The following CDH18 variants were observed in gnomAD, a reference collection of about 807,000 sequenced individuals.
CDH18 encodes cadherin-18.
CDH18 carries 31 observed loss-of-function variants against 67.9 expected under a neutral mutation model. The observed-to-expected ratio is 0.46, with a 90% CI of 0.34 to 0.62. CDH18 has a LOEUF of 0.62. Among genes scored for constraint, CDH18 ranks in the 20% least tolerant of loss-of-function variants. CDH18 has a pLI of 0.01. For synonymous variants in CDH18, 362 were observed against 347.2 expected (o/e 1.04, Z -0.48); for missense variants, 890 against 975.5 (o/e 0.91, Z 1.17).
chr5:20,508,203 A>G (rs1410653388), intron 1 of CDH18, among the ~76,000 whole-genome samples: 1 of 151,314 alleles, frequency 6.6e-6, no homozygotes, highest in African/African-American at 2.4e-5. Flanking sequence ...AACTTTTCTT[A>G]AAACACAATG....
At position 19,629,626 on chromosome 5, in the gene CDH18, A is replaced by T. The variant is rs1752105914; in HGVS notation, c.644-17025T>A. On this transcript the variant is annotated intron_variant, in intron 5 of 12. Coordinates refer to ENST00000382275, the MANE Select transcript of CDH18 (RefSeq NM_004934.5). ...TCTATCTAATCTTAATGAATATAAA[A>T]CAATCAAAGACTGGATATTTCGACT... 6.6e-5 allele frequency among the ~76,000 whole-genome samples: 10 copies of T among 152,314 alleles called. No homozygotes were observed. The South Asian group carries it at 1.9e-3, about 28-fold the overall frequency.
intron 1 of CDH18, among the ~76,000 whole-genome samples, chr5:20,553,461 C>A (rs572867389): frequency 2.6e-4 from 39 of 152,070 alleles, no homozygotes; most frequent in Non-Finnish European, 4.0e-4. Context: ...ACAGAAACAA[C>A]GCTAACATTT....
At chr5:19,583,810 A>T (rs1743662794) in intron 7 of CDH18, among the ~76,000 whole-genome samples, 1 of 152,182 alleles carries the variant, frequency 6.6e-6, no homozygotes, top group South Asian at 2.1e-4. Context: ...AATGTCATAG[A>T]TCTCCTAAAT....
At chr5:19,604,348 T>C (rs1747672152) in intron 6 of CDH18, among the ~76,000 whole-genome samples, 1 of 152,060 alleles carries the variant, frequency 6.6e-6, no homozygotes. Context: ...TAGTATTTAC[T>C]TGAGAAAGTG....
intron 2 of CDH18, among the ~76,000 whole-genome samples, chr5:20,159,407 A>G (rs1751804593): frequency 6.6e-6 from 1 of 152,186 alleles, no homozygotes; most frequent in African/African-American, 2.4e-5. Context: ...ATCTCTTCCC[A>G]TTTAGGAGCC....
At chr5:20,295,030 T>G (rs556053146) in intron 1 of CDH18, among the ~76,000 whole-genome samples, 1 of 152,294 alleles carries the variant, frequency 6.6e-6, no homozygotes, top group Non-Finnish European at 1.5e-5. Flanking sequence ...CAGACAAGTA[T>G]AATTTAGAAA....
intron 1 of CDH18, among the ~76,000 whole-genome samples, chr5:19,984,710 C>G (rs2150370796): frequency 6.6e-6 from 1 of 152,250 alleles, no homozygotes; most frequent in South Asian, 2.1e-4. Context: ...CTATTATCAT[C>G]ACCTTTTATG....
intron 1 of CDH18, among the ~76,000 whole-genome samples, chr5:20,441,950 G>A (rs1397199379): frequency 4.6e-5 from 7 of 151,866 alleles, no homozygotes; most frequent in Admixed American, 6.6e-5. Context: ...CCTACATCGA[G>A]AGAAACAGAA....
chr5:20,032,108 C>T (rs1408666726), intron 2 of CDH18, among the ~76,000 whole-genome samples: 1 of 151,804 alleles, frequency 6.6e-6, no homozygotes, highest in Non-Finnish European at 1.5e-5. Context: ...TCTTCTTTAT[C>T]CTCAAAAAAT....
At chr5:20,029,311 T>C (rs1739182484) in intron 2 of CDH18, among the ~76,000 whole-genome samples, 1 of 152,162 alleles carries the variant, frequency 6.6e-6, no homozygotes, top group Admixed American at 6.6e-5. Flanking sequence ...ATGCTTATAG[T>C]AAAGCTTACC....
chr5:20,490,145 C>G (rs1309515730), intron 1 of CDH18, among the ~76,000 whole-genome samples: 1 of 151,354 alleles, frequency 6.6e-6, no homozygotes, highest in African/African-American at 2.4e-5. Flanking sequence ...AATGATAGAC[C>G]AATGGCATTT....
chr5:19,700,584 G>C (rs1266689094), intron 5 of CDH18, among the ~76,000 whole-genome samples: 1 of 152,146 alleles, frequency 6.6e-6, no homozygotes, highest in South Asian at 2.1e-4. Context: ...TGAGCAGAAA[G>C]CACTCTCTTT....
intron 2 of CDH18, among the ~76,000 whole-genome samples, chr5:20,182,932 T>G (rs1737809138): frequency 6.6e-6 from 1 of 152,202 alleles, no homozygotes; most frequent in South Asian, 2.1e-4. Flanking sequence ...TCGAATGGGA[T>G]GTATATATAA....
intron 2 of CDH18, among the ~76,000 whole-genome samples, chr5:20,236,690 T>C (rs1742498046): frequency 6.6e-6 from 1 of 152,020 alleles, no homozygotes; most frequent in Non-Finnish European, 1.5e-5. Context: ...AAATTGAATT[T>C]GCATTTAAAA....
intron 2 of CDH18, among the ~76,000 whole-genome samples, chr5:19,950,050 A>G (rs1487404772): frequency 6.6e-6 from 1 of 151,236 alleles, no homozygotes; most frequent in African/African-American, 2.4e-5. Flanking sequence ...AATAAATATG[A>G]GATATATACA....
chr5:19,487,790 G>A lies in CDH18; in HGVS notation c.1631-4238C>T, dbSNP rs182034555. Among the ~76,000 whole-genome samples the A allele has an allele frequency of 6.0e-4, 92 of 152,176 alleles. 1 individual carries two copies. The highest frequency in any genetic ancestry group is 6.8e-3 in the Middle Eastern group (2 of 294). ...CATGCATATATAATATCAGGCTTAT[G>A]CCTACACTCTAATAATACCCTGTGA... On this transcript the variant is annotated intron_variant, in intron 11 of 12. Coordinates refer to ENST00000382275, the MANE Select transcript of CDH18 (RefSeq NM_004934.5).
At chr5:19,546,371 A>C (rs941052185) in intron 8 of CDH18, among the ~76,000 whole-genome samples, 1 of 152,206 alleles carries the variant, frequency 6.6e-6, no homozygotes, top group Non-Finnish European at 1.5e-5. Context: ...TTATATGGGA[A>C]ATAAGAAGCA....
At chr5:20,540,090 G>T (rs1420272796) in intron 1 of CDH18, among the ~76,000 whole-genome samples, 1 of 151,974 alleles carries the variant, frequency 6.6e-6, no homozygotes, top group Non-Finnish European at 1.5e-5. Context: ...CAAAAGCTTT[G>T]TTGTCTCAAT....
At chr5:20,078,179 T>A (rs115098851) in intron 2 of CDH18, among the ~76,000 whole-genome samples, 23 of 152,278 alleles carry the variant, frequency 1.5e-4, no homozygotes, top group African/African-American at 5.1e-4. Flanking sequence ...TGTTCACTTA[T>A]GGCCGGGTGT....
Sources: gnomAD v4.1 joint callset for allele counts (sites outside exome capture counted in the v4.1 genomes callset) on GRCh38, gnomAD v4.1.1 for gene constraint, MANE v1.5 for transcripts, NCBI Gene and HGNC (gene_info 2026-07-23, HGNC 2026-07-21) for gene names.